Variants in ARL15 observed in about 807,000 individuals in gnomAD.
The protein encoded by ARL15 is ARF like GTPase 15.
Under a neutral mutation model 25.2 loss-of-function variants are expected in ARL15, and 19 were observed. The observed-to-expected ratio is 0.75, with a 90% CI of 0.53 to 1.10. ARL15 has a LOEUF of 1.10. Ranked by LOEUF, ARL15 falls within the 50% of genes least tolerant of loss-of-function variation. The pLI, the probability that ARL15 is intolerant of heterozygous loss-of-function variation, is 0.00. For missense variants in ARL15, 220 were observed against 246.0 expected, an observed-to-expected ratio of 0.89 and a Z score of 0.71; for synonymous variants, 94 against 86.8, an observed-to-expected ratio of 1.08 and a Z score of -0.46.
At chr5:54,100,927 A>G (rs1752416855) in intron 4 of ARL15, among the ~76,000 whole-genome samples, 1 of 152,110 alleles carries the variant, frequency 6.6e-6, no homozygotes, top group South Asian at 2.1e-4. Flanking sequence ...AAATTGTACC[A>G]CATGGCTTTA....
In ARL15 at chr5:54,171,829, A is replaced by T. The variant is rs1051211535; in HGVS notation, c.148T>A (p.Ser50Thr). 4 of 1,613,350 alleles carry T rather than the reference A, an allele frequency of 2.5e-6. No homozygotes were observed. The African/African-American group carries it at 5.3e-5, about 22-fold the overall frequency. The change falls in exon 2 of 5, where the codon TCC becomes ACC. Residue 50 changes from serine (S) to threonine (T), a missense_variant. By Grantham distance (58) the Ser-to-Thr change is moderately conservative. Transcript: ENST00000504924. ...TCGGGGCTTTCACTGCAGAGTTTGG[A>T]CAACAGACTGGTTTTGCCAGAACCT... is the stretch of plus-strand genomic sequence containing the variant. The part of the protein sequence containing the change: ...LTGSGKTSLL[S>T]KLCSESPDNV...
intron 1 of ARL15, among the ~76,000 whole-genome samples, chr5:54,293,060 G>T (rs1373028487): frequency 6.6e-6 from 1 of 152,170 alleles, no homozygotes; most frequent in East Asian, 1.9e-4. Flanking sequence ...CATAACTCAT[G>T]CTGCCAGAGT....
intron 4 of ARL15, among the ~76,000 whole-genome samples, chr5:53,955,309 C>A (rs1341729749): frequency 1.3e-5 from 2 of 151,970 alleles, no homozygotes; most frequent in East Asian, 3.8e-4. Context: ...TCAGATTTAC[C>A]ATTTCTTCTT....
rs558323630 is a variant in ARL15 at position 54,126,817 on chromosome 5, T to A, written c.254-13407A>T. On this transcript the variant is annotated intron_variant, in intron 3 of 4. Transcript: ENST00000504924. ...TCTTGAGCTAATAAACTTCTTTTTT[T>A]AAATTTTTGTATTTTTTTAATTTAT... 3.3e-5 allele frequency among the ~76,000 whole-genome samples: 5 copies of A among 152,200 alleles called. No individual in the cohort carries two copies. In the East Asian group the frequency reaches 7.7e-4, roughly 23 times the overall value.
At chr5:54,121,964 C>T (rs527451457) in intron 3 of ARL15, among the ~76,000 whole-genome samples, 212 of 152,224 alleles carry the variant, frequency 1.4e-3, no homozygotes, top group Non-Finnish European at 1.2e-4. Flanking sequence ...ACCATTTAAG[C>T]CTATAACTCA....
chr5:53,928,855 G>T (rs702617), intron 4 of ARL15, among the ~76,000 whole-genome samples: 138,622 of 152,166 alleles, frequency 0.91, 63,523 homozygotes, highest in African/African-American at 0.97. Context: ...CCAATGCCGA[G>T]TCCACGCTCA....
chr5:53,921,000 T>C (rs907712705), intron 4 of ARL15, among the ~76,000 whole-genome samples: 1 of 152,142 alleles, frequency 6.6e-6, no homozygotes, highest in Admixed American at 6.5e-5. Flanking sequence ...CAGAACAAGA[T>C]AGAGGACATC....
chr5:54,292,279 C>T (rs1758354250), intron 1 of ARL15, among the ~76,000 whole-genome samples: 1 of 152,154 alleles, frequency 6.6e-6, no homozygotes, highest in Admixed American at 6.5e-5. Flanking sequence ...CACACTGGCC[C>T]TTCTTTATGA....
chr5:53,992,830 G>GCGGGTCGGTAACC (rs199866136), intron 4 of ARL15, among the ~76,000 whole-genome samples: 6,168 of 124,126 alleles, frequency 0.05, 148 homozygotes, highest in Non-Finnish European at 0.074. Flanking sequence ...GGAGGCCGAG[G>GCGGGTCGGTAACC]TGGGTCGGGA....
intron 4 of ARL15, among the ~76,000 whole-genome samples, chr5:54,062,459 G>T (rs1488152997): frequency 6.6e-6 from 1 of 150,502 alleles, no homozygotes; most frequent in Admixed American, 6.7e-5. Flanking sequence ...ATGAAGGCCA[G>T]TCTTTCCTGC....
intron 3 of ARL15, among the ~76,000 whole-genome samples, chr5:54,131,173 A>C (rs1318890284): frequency 6.6e-6 from 1 of 152,310 alleles, no homozygotes; most frequent in East Asian, 1.9e-4. Context: ...TATCATTTTC[A>C]ATGTTTGATA....
At chr5:54,073,062 T>C (rs1282237467) in intron 4 of ARL15, among the ~76,000 whole-genome samples, 1 of 152,176 alleles carries the variant, frequency 6.6e-6, no homozygotes, top group Non-Finnish European at 1.5e-5. Flanking sequence ...AAACTTAAAA[T>C]AAGTTATCAA....
chr5:54,137,589 A>C (rs758437398), intron 3 of ARL15, among the ~76,000 whole-genome samples: 1 of 152,212 alleles, frequency 6.6e-6, no homozygotes, highest in Non-Finnish European at 1.5e-5. Context: ...GATACAATAT[A>C]TAAAAACAAG....
At chr5:54,066,954 T>A (rs1049083554) in intron 4 of ARL15, among the ~76,000 whole-genome samples, 1 of 152,220 alleles carries the variant, frequency 6.6e-6, no homozygotes, top group Non-Finnish European at 1.5e-5. Flanking sequence ...CTTAATATAG[T>A]AGCAAATTCC....
chr5:54,142,221 C>T (rs780598124), intron 3 of ARL15, among the ~76,000 whole-genome samples: 5 of 152,176 alleles, frequency 3.3e-5, no homozygotes, highest in East Asian at 1.9e-4. Flanking sequence ...ATTCCAGATC[C>T]TATCTTCTGT....
At chr5:54,107,151 G>A (rs966622616) in intron 4 of ARL15, among the ~76,000 whole-genome samples, 3 of 152,072 alleles carry the variant, frequency 2.0e-5, no homozygotes, top group East Asian at 1.9e-4. Context: ...GCGGAACCCC[G>A]TGATAAATCC....
At chr5:54,306,970 A>G (rs1345026381) in intron 1 of ARL15, among the ~76,000 whole-genome samples, 2 of 152,132 alleles carry the variant, frequency 1.3e-5, no homozygotes, top group African/African-American at 4.8e-5. Flanking sequence ...TAACCTGACT[A>G]TTTTCTCCTA....
At chr5:54,234,335 AT>A (rs973039327) in intron 1 of ARL15, among the ~76,000 whole-genome samples, 3 of 151,920 alleles carry the variant, frequency 2.0e-5, no homozygotes, top group African/African-American at 7.3e-5. Flanking sequence ...AAAAAAAAAA[AT>A]TTTAATTGCT....
At chr5:54,074,818 G>A (rs1751542559) in intron 4 of ARL15, among the ~76,000 whole-genome samples, 1 of 151,526 alleles carries the variant, frequency 6.6e-6, no homozygotes, top group South Asian at 2.1e-4. Context: ...TCAAATAAAA[G>A]ACACATATAA....
Sources: gnomAD v4.1 joint callset for allele counts (sites outside exome capture counted in the v4.1 genomes callset) on GRCh38, gnomAD v4.1.1 for gene constraint, MANE v1.5 for transcripts, NCBI Gene and HGNC (gene_info 2026-07-23, HGNC 2026-07-21) for gene names.